Variants in TRRAP observed in about 807,000 individuals in gnomAD.
TRRAP encodes the protein transformation/transcription domain associated protein.
Under a neutral mutation model 438.8 loss-of-function variants are expected in TRRAP, and 41 were observed. The ratio of observed to expected loss-of-function variants is 0.09; its 90% CI spans 0.07 to 0.12. The LOEUF (loss-of-function observed/expected upper bound fraction) is 0.12, where lower values mean the gene tolerates loss of function less well. TRRAP is among the 10% of genes least tolerant of loss of function. The pLI is 1.00. For synonymous variants in TRRAP, 1,994 were observed against 1,962.9 expected, an observed-to-expected ratio of 1.02 and a Z score of -0.42; for missense variants, 3,122 against 5,055.1, an observed-to-expected ratio of 0.62 and a Z score of 11.60.
Position 98,899,511 on chromosome 7 carries a change from G to A in TRRAP, c.711+12G>A. On this transcript the variant is annotated intron_variant, in intron 9 of 72. Coordinates refer to ENST00000456197, the MANE Select transcript of TRRAP (RefSeq NM_001375524.1). ...TTTTAATGTATCAGGTATGTGTATT[G>A]CTCATTAGTCTCTTGGGTTTTGGGC... 6.2e-7 allele frequency: 1 copy of A among 1,613,952 alleles called. No individual in the cohort carries two copies.
chr7:98,993,157 T>C (rs986040145), intron 65 of TRRAP, among the ~76,000 whole-genome samples: 3 of 152,222 alleles, frequency 2.0e-5, no homozygotes, highest in Non-Finnish European at 2.9e-5. Context: ...GAGATATTTT[T>C]CCAAACATTT....
At chr7:98,993,493 C>CT in intron 65 of TRRAP, 45 bp from the exon 66 acceptor site, 4 of 1,595,682 alleles carry the variant, frequency 2.5e-6, no homozygotes, top group Non-Finnish European at 3.4e-6. Flanking sequence ...GCCCTGGCGT[C>CT]TGTCGGTTTT....
chr7:98,891,656 C>T (rs1312033798), intron 4 of TRRAP, among the ~76,000 whole-genome samples: 1 of 151,814 alleles, frequency 6.6e-6, no homozygotes, highest in East Asian at 1.9e-4. Context: ...CTGCCTCAGC[C>T]TCCCGAGTAG....
chr7:98,909,018 AATT>A, intron 14 of TRRAP, 56 bp downstream of exon 14: 2 of 1,419,888 alleles, frequency 1.4e-6, no homozygotes, highest in Non-Finnish European at 1.9e-6. Flanking sequence ...TTTGTGGCTA[AATT>A]TTTTTTTTTT....
Position 98,979,503 on chromosome 7 carries a change from C to G in TRRAP, c.8634+599C>G, listed in dbSNP as rs143064858. ...TAGTACAGATGCAGTTTTTTTTCCC[C>G]CAAATATTTTCCATCCACAGTTGGT... On this transcript the variant is annotated intron_variant, in intron 58 of 72. Transcript: ENST00000456197. 2.9e-4 allele frequency among the ~76,000 whole-genome samples: 44 copies of G among 152,160 alleles called. 1 individual carries two copies. The East Asian group carries it at 7.9e-3, about 27-fold the overall frequency.
rs190778579 is a variant in TRRAP, at chr7:98,907,224, G to A, written c.1115+969G>A. On this transcript the variant is annotated intron_variant, in intron 13 of 72. Transcript: ENST00000456197. ...TGTAATCCCAACTAGTCGGGAGGCT[G>A]AGGCAGGGGAATCGCTTGAACCCAG... is the stretch of plus-strand genomic sequence containing the variant. Among the ~76,000 whole-genome samples, 79 of 152,188 alleles carry A rather than the reference G, an allele frequency of 5.2e-4. 1 individual carries two copies. The highest frequency in any genetic ancestry group is 1.8e-3 in the African/African-American group (75 of 41,556).
rs1331018082 is a variant in TRRAP at position 98,976,465 on chromosome 7, C to G, written c.7960-18C>G. On this transcript the variant is annotated intron_variant, in intron 54 of 72. Coordinates refer to ENST00000456197, the MANE Select transcript of TRRAP (RefSeq NM_001375524.1). This position sits in a 1 kb window ranked among gnomAD's most constrained non-coding sequence, Gnocchi z 4.6. Reference sequence around the variant, plus strand: ...GATTTTTGAATGAAGGCCTAAATGACATGTGCTTTGGTTTCAGGCACTCGC... The same window carrying G: ...GATTTTTGAATGAAGGCCTAAATGAGATGTGCTTTGGTTTCAGGCACTCGC... The G allele has an allele frequency of 1.2e-5, 19 of 1,600,830 alleles. No homozygotes were observed. The highest frequency in any genetic ancestry group is 1.6e-5 in the Non-Finnish European group (19 of 1,175,540).
intron 41 of TRRAP, among the ~76,000 whole-genome samples, chr7:98,955,727 G>A (rs1791570571): frequency 6.6e-6 from 1 of 152,144 alleles, no homozygotes; most frequent in Non-Finnish European, 1.5e-5. Context: ...TTGTAGATTT[G>A]GGGTAGAAGA....
At chr7:98,926,383 G>T (rs111616517) in intron 22 of TRRAP, among the ~76,000 whole-genome samples, 3 of 152,038 alleles carry the variant, frequency 2.0e-5, no homozygotes, top group Middle Eastern at 3.4e-3. Flanking sequence ...TTAAAAGATG[G>T]CAGAACAAAA....
At position 98,930,848 on chromosome 7, in the gene TRRAP, C is replaced by G; in HGVS notation, c.3591+18C>G. 6.2e-7 allele frequency: 1 copy of G among 1,613,614 alleles called. No homozygotes were observed. Among genetic ancestry groups the G allele is most frequent in the Non-Finnish European group, 8.5e-7 (1 of 1,179,616 alleles). ...CTGGAGAGGTAGGTGATGGGTGGCC[C>G]CAAACCTAACCATGCTGTTTTTGAA... On this transcript the variant is annotated intron_variant, in intron 25 of 72. Coordinates refer to ENST00000456197, the MANE Select transcript of TRRAP (RefSeq NM_001375524.1).
In TRRAP at chr7:99,004,180, T is replaced by C. The variant is rs200668370; in HGVS notation, c.10310-10T>C. 8 of 1,603,922 alleles carry C rather than the reference T, an allele frequency of 5.0e-6. No individual in the cohort carries two copies. Among genetic ancestry groups the C allele is most frequent in the Non-Finnish European group, 5.9e-6 (7 of 1,177,168 alleles). ...ACTAAAAACGTTTTTAATCATGTTT[T>C]ATTTTTAAGATTTTGACTTCAGCGT... On this transcript the variant is annotated splice_polypyrimidine_tract_variant and intron_variant, in intron 67 of 72. Coordinates refer to ENST00000456197, the MANE Select transcript of TRRAP (RefSeq NM_001375524.1).
chr7:98,991,229 C>A (rs531826634), intron 64 of TRRAP, among the ~76,000 whole-genome samples: 1 of 152,180 alleles, frequency 6.6e-6, no homozygotes, highest in East Asian at 1.9e-4. Context: ...CCAGAAACGG[C>A]GGAAGCGTGG....
At chr7:98,901,517 T>C (rs1796467722) in intron 11 of TRRAP, among the ~76,000 whole-genome samples, 1 of 152,252 alleles carries the variant, frequency 6.6e-6, no homozygotes, top group Non-Finnish European at 1.5e-5. Context: ...AGTATTCAGA[T>C]TATTTCTAAT....
At position 98,997,808 on chromosome 7, in the gene TRRAP, G is replaced by T. The variant is rs540668156; in HGVS notation, c.10309+2960G>T. 7.9e-5 allele frequency among the ~76,000 whole-genome samples: 12 copies of T among 152,314 alleles called. No individual in the cohort carries two copies. In the South Asian group the frequency reaches 1.0e-3, roughly 13 times the overall value. ...CTAGGCTCTACTGCCCAGGAAAATT[G>T]AATCGAACTTAAATTCTTCCTGAGT... is the stretch of plus-strand genomic sequence containing the variant. On this transcript the variant is annotated intron_variant, in intron 67 of 72. Transcript: ENST00000456197.
chr7:98,948,769 A>G lies in TRRAP; in HGVS notation c.4788+84A>G. ...CTCTGAAATGTTCAGTTCATATTTC[A>G]CTATTCAGTGTCCTGGCTGCTTTTT... On this transcript the variant is annotated intron_variant, in intron 35 of 72. Transcript: ENST00000456197. The surrounding 1 kb of genome is among the most constrained non-coding windows in gnomAD (Gnocchi z 4.9). The G allele has an allele frequency of 2.5e-6, 4 of 1,596,796 alleles. No individual in the cohort carries two copies. The highest frequency in any genetic ancestry group is 1.7e-4 in the Middle Eastern group (1 of 5,990).
chr7:98,878,834 C>G (rs1323176317), intron 1 of TRRAP, among the ~76,000 whole-genome samples, 197 bp downstream of exon 1: 1 of 152,132 alleles, frequency 6.6e-6, no homozygotes, highest in Non-Finnish European at 1.5e-5. Context: ...TGAGAGGAAG[C>G]TGTGGGAGGC....
At chr7:98,979,183 C>T (rs1387541707) in intron 58 of TRRAP, among the ~76,000 whole-genome samples, 6 of 152,170 alleles carry the variant, frequency 3.9e-5, no homozygotes, top group Non-Finnish European at 8.8e-5. Context: ...TGGGAAATGA[C>T]TCATTGGATG....
chr7:98,959,936 T>TGAA, intron 45 of TRRAP, among the ~76,000 whole-genome samples: 1 of 112,694 alleles, frequency 8.9e-6, no homozygotes, highest in African/African-American at 3.8e-5. Flanking sequence ...CCTGGTCTCT[T>TGAA]AAAAAAAAAA....
intron 5 of TRRAP, among the ~76,000 whole-genome samples, chr7:98,892,745 C>T (rs1453682656): frequency 6.6e-6 from 1 of 152,194 alleles, no homozygotes; most frequent in Non-Finnish European, 1.5e-5. Context: ...GAGGAATTGG[C>T]CAGACATAGT....
Sources: gnomAD v4.1 joint callset for allele counts (sites outside exome capture counted in the v4.1 genomes callset) on GRCh38, gnomAD v4.1.1 for gene constraint, Gnocchi (gnomAD v3.1) non-coding constraint, MANE v1.5 for transcripts, NCBI Gene and HGNC (gene_info 2026-07-23, HGNC 2026-07-21) for gene names.